The following FRY variants were observed in gnomAD, a reference collection of about 807,000 sequenced individuals.
FRY encodes the protein protein furry homolog.
In FRY, 128 loss-of-function variants were observed where a neutral mutation model predicts 348.4. That is an observed-to-expected ratio of 0.37 (90% CI 0.32 to 0.43). The LOEUF is 0.43. FRY is among the 20% of genes least tolerant of loss of function. The pLI is 1.00. For missense variants in FRY, 2,736 were observed against 3,695.2 expected, an observed-to-expected ratio of 0.74 and a Z score of 6.73; for synonymous variants, 1,370 against 1,374.7, an observed-to-expected ratio of 1.00 and a Z score of 0.08.
rs2072099175 is a variant in FRY at position 32,298,540 on chromosome 13, A to G, written c.*3080A>G. ...CAAGGCAGATGTGGTCCCTGTTCCC[A>G]TGAGGCTCCTACATTTGAGTGGAGG... is the stretch of plus-strand genomic sequence containing the variant. On this transcript the variant is annotated 3_prime_UTR_variant, in exon 61 of 61. Transcript: ENST00000542859. 6.6e-6 allele frequency: 1 copy of G among 152,228 alleles called. No homozygotes were observed. The highest frequency in any genetic ancestry group is 1.5e-5 in the Non-Finnish European group (1 of 68,060). The allele number at this position is 152,228 out of a possible 1,614,324, so 9.4% of individuals were successfully genotyped here. A position where few individuals can be genotyped will look rare whatever the true frequency, so the allele number is the denominator to read the frequency against.
chr13:32,131,025 A>G (rs1879327160), intron 7 of FRY, among the ~76,000 whole-genome samples: 1 of 152,174 alleles, frequency 6.6e-6, no homozygotes, highest in Non-Finnish European at 1.5e-5. Flanking sequence ...CATATTGGTC[A>G]GGCTGGTCTC....
At chr13:32,201,442 T>C (rs1257888622) in intron 29 of FRY, among the ~76,000 whole-genome samples, 1 of 152,222 alleles carries the variant, frequency 6.6e-6, no homozygotes, top group African/African-American at 2.4e-5. Context: ...CTGTAAGCCC[T>C]CCTTAAGGAC....
intron 56 of FRY, among the ~76,000 whole-genome samples, chr13:32,276,003 ATC>A (rs1888518804): frequency 6.6e-6 from 1 of 152,114 alleles, no homozygotes; most frequent in Non-Finnish European, 1.5e-5. Flanking sequence ...CCTTCCAAGA[ATC>A]TGTTTGGTGG....
At chr13:32,174,219 T>C (rs1382371957) in intron 19 of FRY, among the ~76,000 whole-genome samples, 1 of 152,248 alleles carries the variant, frequency 6.6e-6, no homozygotes, top group Admixed American at 6.5e-5. Context: ...TTCTGTTTTC[T>C]TCTTTTAAAA....
chr13:32,265,936 TA>T (rs1887905248), intron 54 of FRY, among the ~76,000 whole-genome samples: 1 of 152,174 alleles, frequency 6.6e-6, no homozygotes, highest in Non-Finnish European at 1.5e-5. Flanking sequence ...GCCTTGGAAA[TA>T]AGTTCTTTCC....
At chr13:32,252,766 T>A (rs1887146394) in intron 50 of FRY, among the ~76,000 whole-genome samples, 1 of 152,204 alleles carries the variant, frequency 6.6e-6, no homozygotes. Flanking sequence ...GGCTCATAAA[T>A]ACTTGCTAAA....
chr13:32,188,603 T>C (rs1347833853), intron 28 of FRY, among the ~76,000 whole-genome samples: 1 of 152,136 alleles, frequency 6.6e-6, no homozygotes, highest in Non-Finnish European at 1.5e-5. Flanking sequence ...TTTAGCCTTC[T>C]GGAAAGTCAA....
chr13:32,172,591 A>C (rs1882155393), intron 18 of FRY, among the ~76,000 whole-genome samples: 1 of 152,148 alleles, frequency 6.6e-6, no homozygotes, highest in South Asian at 2.1e-4. Flanking sequence ...GGAACTTGGC[A>C]TTGGCAATGA....
At chr13:32,096,418 ACT>A (rs535689494) in intron 2 of FRY, among the ~76,000 whole-genome samples, 176 of 149,554 alleles carry the variant, frequency 1.2e-3, no homozygotes, top group African/African-American at 4.3e-3. Flanking sequence ...CTAACAGGTG[ACT>A]CTGCTAGGGA....
intron 58 of FRY, among the ~76,000 whole-genome samples, chr13:32,279,092 G>A (rs1295727185): frequency 6.6e-6 from 1 of 152,184 alleles, no homozygotes; most frequent in Non-Finnish European, 1.5e-5. Context: ...ATGAGCAACA[G>A]ACAAGGCCTC....
chr13:32,168,717 A>G (rs1388253411), intron 17 of FRY, among the ~76,000 whole-genome samples: 2 of 152,150 alleles, frequency 1.3e-5, no homozygotes, highest in East Asian at 3.9e-4. Flanking sequence ...GTAGAACTTT[A>G]CATGCTTTTG....
intron 46 of FRY, among the ~76,000 whole-genome samples, chr13:32,242,380 TC>T (rs1886557215): frequency 6.6e-6 from 1 of 152,206 alleles, no homozygotes; most frequent in African/African-American, 2.4e-5. Flanking sequence ...ATTCTTGTTT[TC>T]CTGTATCCCC....
chr13:32,126,106 T>C (rs1437883503), intron 7 of FRY, among the ~76,000 whole-genome samples: 1 of 152,216 alleles, frequency 6.6e-6, no homozygotes, highest in African/African-American at 2.4e-5. Flanking sequence ...ATGAAAGCAT[T>C]AGCATTTTAA....
At chr13:32,102,468 C>G (rs9567163) in intron 3 of FRY, among the ~76,000 whole-genome samples, 1 of 152,114 alleles carries the variant, frequency 6.6e-6, no homozygotes, top group Non-Finnish European at 1.5e-5. Context: ...ACTGGTGATA[C>G]AAAATCTAAG....
At chr13:32,205,226 T>C (rs990122734) in intron 31 of FRY, among the ~76,000 whole-genome samples, 1 of 118,944 alleles carries the variant, frequency 8.4e-6, no homozygotes, top group Non-Finnish European at 1.8e-5. Flanking sequence ...AAAAAAAAGG[T>C]GTGCGATCAA....
At chr13:32,217,187 G>A (rs556350361) in intron 35 of FRY, among the ~76,000 whole-genome samples, 16 of 152,262 alleles carry the variant, frequency 1.1e-4, no homozygotes, top group African/African-American at 3.6e-4. Flanking sequence ...GAGTAATGTA[G>A]AGGGACACAC....
intron 33 of FRY, among the ~76,000 whole-genome samples, chr13:32,210,191 A>G (rs1884607051): frequency 6.6e-6 from 1 of 152,236 alleles, no homozygotes; most frequent in African/African-American, 2.4e-5. Flanking sequence ...AAGCATGGAG[A>G]AATCCTTCTG....
chr13:32,293,850 A>T (rs74044980), intron 59 of FRY, among the ~76,000 whole-genome samples: 4 of 152,382 alleles, frequency 2.6e-5, no homozygotes, highest in African/African-American at 9.6e-5. Flanking sequence ...GGTCACAATT[A>T]CATTAATTGA....
chr13:32,213,700 T>G lies in FRY; in HGVS notation c.4682+1318T>G, dbSNP rs545735899. On this transcript the variant is annotated intron_variant, in intron 35 of 60. Transcript: ENST00000542859. Reference sequence around the variant, plus strand: ...GACTATAACATTCTTGATCATTTATTGTTTTGTCTGAGTTTCCTGTCTGAA... The same window carrying G: ...GACTATAACATTCTTGATCATTTATGGTTTTGTCTGAGTTTCCTGTCTGAA... Among the ~76,000 whole-genome samples, 15 of 152,376 alleles carry G rather than the reference T, an allele frequency of 9.8e-5. No individual in the cohort carries two copies. In the East Asian group the frequency reaches 1.2e-3, roughly 12 times the overall value.
Sources: allele counts gnomAD v4.1 joint callset (sites outside exome capture counted in the v4.1 genomes callset), GRCh38; gene constraint gnomAD v4.1.1; transcripts MANE v1.5; gene names NCBI Gene and HGNC (gene_info 2026-07-23, HGNC 2026-07-21).